MCOLN3: variants seen among roughly 807,000 people sequenced by gnomAD.
MCOLN3 encodes the protein mucolipin-3.
MCOLN3 carries 62 observed loss-of-function variants against 69.4 expected under a neutral mutation model. That is an observed-to-expected ratio of 0.89 (90% CI 0.73 to 1.10). The LOEUF (loss-of-function observed/expected upper bound fraction) is 1.10, where lower values mean the gene tolerates loss of function less well. MCOLN3 is among the 50% of genes least tolerant of loss of function. The pLI, the probability that MCOLN3 is intolerant of heterozygous loss-of-function variation, is 0.00. For missense variants in MCOLN3, 564 were observed against 656.4 expected (o/e 0.86, Z 1.54); for synonymous variants, 183 against 217.0 (o/e 0.84, Z 1.38).
At chr1:85,030,637 C>T (rs1238254773) in intron 6 of MCOLN3, among the ~76,000 whole-genome samples, 1 of 151,954 alleles carries the variant, frequency 6.6e-6, no homozygotes, top group Non-Finnish European at 1.5e-5. Context: ...GCTCAATGAA[C>T]CTTAAACACA....
chr1:85,042,614 A>T (rs1653127299), intron 2 of MCOLN3, among the ~76,000 whole-genome samples: 1 of 152,252 alleles, frequency 6.6e-6, no homozygotes, highest in Non-Finnish European at 1.5e-5. Context: ...GGATACAATG[A>T]GAAGACAATT....
chr1:85,030,677 T>C (rs868620151), intron 6 of MCOLN3, among the ~76,000 whole-genome samples: 12 of 152,242 alleles, frequency 7.9e-5, no homozygotes, highest in African/African-American at 2.6e-4. Context: ...CATCAAAGCA[T>C]TTCACAATCA....
At chr1:85,028,501 G>A (rs1652336940) in intron 7 of MCOLN3, among the ~76,000 whole-genome samples, 1 of 152,204 alleles carries the variant, frequency 6.6e-6, no homozygotes, top group South Asian at 2.1e-4. Context: ...TGAGAGACTA[G>A]AAAATTAGAT....
intron 11 of MCOLN3, 128 bp from the exon 12 acceptor site, chr1:85,021,404 T>C: frequency 1.4e-6 from 1 of 704,316 alleles, no homozygotes; most frequent in Non-Finnish European, 2.3e-6. Flanking sequence ...ACAAATAACC[T>C]GAGGTAACCA....
chr1:85,041,795 G>A (rs1323964898), intron 2 of MCOLN3, among the ~76,000 whole-genome samples: 3 of 151,192 alleles, frequency 2.0e-5, no homozygotes, highest in Middle Eastern at 3.4e-3. Context: ...GCTTGAACCC[G>A]GGAGGCAGAG....
At chr1:85,043,159 CCT>C (rs1370879159) in intron 2 of MCOLN3, among the ~76,000 whole-genome samples, 1 of 152,102 alleles carries the variant, frequency 6.6e-6, no homozygotes, top group Non-Finnish European at 1.5e-5. Flanking sequence ...ATGACAGGGT[CCT>C]TTTCCTTACC....
chr1:85,045,065 A>C (rs78110419), intron 2 of MCOLN3, 68 bp downstream of exon 2: 2 of 1,255,258 alleles, frequency 1.6e-6, no homozygotes. Context: ...TAAAAAAAAA[A>C]CCACTGTCCA....
At chr1:85,022,749 G>A (rs920912182) in intron 9 of MCOLN3, 2 of 205,624 alleles carry the variant, frequency 9.7e-6, no homozygotes, top group South Asian at 1.8e-4. Context: ...AAATCTAGGG[G>A]AGAAGCCTTC....
intron 9 of MCOLN3, chr1:85,024,451 C>T (rs1469874450): frequency 6.6e-6 from 1 of 151,960 alleles, no homozygotes; most frequent in East Asian, 1.9e-4. Flanking sequence ...GAATAGTGGC[C>T]TAAATAATGT....
chr1:85,025,314 C>T (rs1652156224), intron 9 of MCOLN3: 1 of 152,146 alleles, frequency 6.6e-6, no homozygotes, highest in African/African-American at 2.4e-5. Context: ...TGCATCAAGA[C>T]TAGGGAAACA....
intron 3 of MCOLN3, among the ~76,000 whole-genome samples, chr1:85,035,809 T>A (rs1471161836): frequency 6.6e-6 from 1 of 152,222 alleles, no homozygotes; most frequent in Non-Finnish European, 1.5e-5. Flanking sequence ...AGGATTGCTA[T>A]AAAGAGTGAA....
rs1470806926 is a variant in MCOLN3 at position 85,019,277 on chromosome 1, A to G, written c.1528-20T>C. 6.2e-7 allele frequency: 1 copy of G among 1,604,902 alleles called. No homozygotes were observed. The highest frequency in any genetic ancestry group is 1.7e-5 in the Admixed American group (1 of 57,788). ...GTATTGCTAAACAGAAGAATGTTAA[A>G]AAGCTTTTATTAATAAGCTCCTTGA... On this transcript the variant is annotated intron_variant, in intron 12 of 12. Transcript: ENST00000370589.
At chr1:85,028,858 G>A (rs1223261319) in intron 7 of MCOLN3, among the ~76,000 whole-genome samples, 1 of 152,108 alleles carries the variant, frequency 6.6e-6, no homozygotes, top group African/African-American at 2.4e-5. Flanking sequence ...TTTTGGTGGC[G>A]GGGGACTGTG....
intron 6 of MCOLN3, among the ~76,000 whole-genome samples, chr1:85,030,282 TA>T (rs774568834): frequency 1.3e-5 from 2 of 152,034 alleles, no homozygotes; most frequent in African/African-American, 4.8e-5. Flanking sequence ...ATCTATTGAG[TA>T]AAAAACTGGG....
chr1:85,035,358 A>C (rs11161513), intron 3 of MCOLN3, among the ~76,000 whole-genome samples: 74,844 of 152,056 alleles, frequency 0.49, 18,787 homozygotes, highest in Middle Eastern at 0.54. Context: ...ACAGCTTCCA[A>C]ATTTGCATCT....
At chr1:85,041,765 G>A (rs994610644) in intron 2 of MCOLN3, among the ~76,000 whole-genome samples, 2 of 150,940 alleles carry the variant, frequency 1.3e-5, no homozygotes, top group Non-Finnish European at 2.9e-5. Flanking sequence ...AGCTACTCAG[G>A]AGGCTGAGGC....
At chr1:85,045,386 CAA>C (rs1234432007) in intron 1 of MCOLN3, 24 bp from the exon 2 acceptor site, 12 of 1,556,488 alleles carry the variant, frequency 7.7e-6, no homozygotes, top group Non-Finnish European at 1.1e-5. Context: ...ACAACAACAA[CAA>C]CAACCAACAT....
chr1:85,039,627 C>A (rs1478818318), intron 3 of MCOLN3, among the ~76,000 whole-genome samples: 1 of 152,052 alleles, frequency 6.6e-6, no homozygotes, highest in East Asian at 1.9e-4. Context: ...GGCCTAAGTG[C>A]CAAATACTAC....
chr1:85,047,397 G>T (rs1194932177), intron 1 of MCOLN3: 1 of 152,300 alleles, frequency 6.6e-6, no homozygotes, highest in Non-Finnish European at 1.5e-5. Flanking sequence ...CCCAGCAGCT[G>T]AAGGAGGTAT....
Sources: allele counts gnomAD v4.1 joint callset (sites outside exome capture counted in the v4.1 genomes callset), GRCh38; gene constraint gnomAD v4.1.1; transcripts MANE v1.5; gene names NCBI Gene and HGNC (gene_info 2026-07-23, HGNC 2026-07-21).